The following RASGRP3 variants were observed in gnomAD, a reference collection of about 807,000 sequenced individuals.
The protein encoded by RASGRP3 is ras guanyl-releasing protein 3.
Under a neutral mutation model 82.7 loss-of-function variants are expected in RASGRP3, and 54 were observed. The ratio of observed to expected loss-of-function variants is 0.65; its 90% confidence interval spans 0.52 to 0.82. The LOEUF is 0.82. Among genes scored for constraint, RASGRP3 ranks in the 40% least tolerant of loss-of-function variants. The pLI, the probability that RASGRP3 is intolerant of heterozygous loss-of-function variation, is 0.00. For missense variants in RASGRP3, 861 were observed against 828.9 expected (o/e 1.04, Z -0.48); for synonymous variants, 309 against 300.5 (o/e 1.03, Z -0.29).
At chr2:33,444,408 C>A (rs2150876136) in intron 1 of RASGRP3, among the ~76,000 whole-genome samples, 1 of 152,198 alleles carries the variant, frequency 6.6e-6, no homozygotes, top group South Asian at 2.1e-4. Flanking sequence ...TTTATATTCC[C>A]TTTTTGTAAT....
At chr2:33,447,844 A>C (rs1370757261) in exon 2 of RASGRP3, 1 of 152,132 alleles carries the variant, frequency 6.6e-6, no homozygotes, top group East Asian at 1.9e-4. Flanking sequence ...AAACATCCAT[A>C]TCTCTTCTTT....
intron 15 of RASGRP3, among the ~76,000 whole-genome samples, chr2:33,556,219 T>C (rs1675930878): frequency 7.6e-6 from 1 of 132,106 alleles, no homozygotes; most frequent in Admixed American, 7.8e-5. Flanking sequence ...TTTATATGGT[T>C]CTTCTAATAA....
chr2:33,443,287 C>A (rs1665325764), intron 1 of RASGRP3, among the ~76,000 whole-genome samples: 1 of 152,118 alleles, frequency 6.6e-6, no homozygotes. Flanking sequence ...AGTTTCCATG[C>A]CATGAAATGG....
chr2:33,467,999 TC>T (rs1224614125), intron 2 of RASGRP3, among the ~76,000 whole-genome samples: 2 of 112,952 alleles, frequency 1.8e-5, no homozygotes, highest in African/African-American at 1.2e-4. Context: ...TTTCTTTCTT[TC>T]TTTCTTTCTT....
intron 2 of RASGRP3, among the ~76,000 whole-genome samples, chr2:33,467,863 C>T (rs1030902452): frequency 2.0e-5 from 3 of 152,200 alleles, no homozygotes; most frequent in East Asian, 3.8e-4. Flanking sequence ...ACCACACTTC[C>T]GCCCTCTTCC....
upstream of RASGRP3, chr2:33,476,248 T>G (rs1219145482): frequency 6.6e-6 from 1 of 152,210 alleles, no homozygotes; most frequent in Non-Finnish European, 1.5e-5. Flanking sequence ...TTCCACCTGC[T>G]GTGCGAGTTG....
chr2:33,520,663 GC>G lies in RASGRP3; in HGVS notation c.349del (p.Leu117SerfsTer13). 1 of 1,613,972 alleles carries G rather than the reference GC, an allele frequency of 6.2e-7. No homozygotes were observed. Among genetic ancestry groups the G allele is most frequent in the Non-Finnish European group, 8.5e-7 (1 of 1,179,864 alleles). ...CAACTAGGATATGAAAAACACGTCAGCCTCATCGACATATCCAGCATGTAAG... is the reference window on the plus strand; with the variant it reads ...CAACTAGGATATGAAAAACACGTCAGCTCATCGACATATCCAGCATGTAAG... ...ASQLGYEKHV[S>X]LIDISSIPSY... On this transcript the variant is annotated frameshift_variant, in exon 6 of 18. Coordinates refer to ENST00000403687, the MANE Select transcript of RASGRP3 (RefSeq NM_001139488.2). LOFTEE classifies it high-confidence loss of function.
intron 15 of RASGRP3, among the ~76,000 whole-genome samples, chr2:33,557,935 A>G (rs771736485): frequency 6.6e-5 from 10 of 152,018 alleles, no homozygotes; most frequent in Non-Finnish European, 1.3e-4. Flanking sequence ...GCTGGACTCT[A>G]TTTACTCCCT....
At chr2:33,499,832 C>G (rs1433206969) in intron 1 of RASGRP3, among the ~76,000 whole-genome samples, 1 of 151,336 alleles carries the variant, frequency 6.6e-6, no homozygotes, top group East Asian at 1.9e-4. Flanking sequence ...GTGTACAGAC[C>G]ATGTCAAAAG....
chr2:33,549,805 T>C, intron 14 of RASGRP3, 54 bp downstream of exon 14: 1 of 1,547,148 alleles, frequency 6.5e-7, no homozygotes, highest in Non-Finnish European at 8.8e-7. Flanking sequence ...TGTGGCATTC[T>C]GAAAAAGTAG....
At chr2:33,561,633 G>T (rs1676671272) in intron 17 of RASGRP3, among the ~76,000 whole-genome samples, 1 of 151,624 alleles carries the variant, frequency 6.6e-6, no homozygotes, top group Non-Finnish European at 1.5e-5. Context: ...TTTTCTGCCA[G>T]GCAAGACCAA....
At chr2:33,444,495 C>T (rs1048081489) in intron 1 of RASGRP3, among the ~76,000 whole-genome samples, 1 of 152,192 alleles carries the variant, frequency 6.6e-6, no homozygotes, top group Non-Finnish European at 1.5e-5. Flanking sequence ...AAGTTGATAG[C>T]TTCAGGTGCC....
At chr2:33,436,905 TTGTC>T (rs1664953932) in intron 1 of RASGRP3, among the ~76,000 whole-genome samples, 1 of 152,176 alleles carries the variant, frequency 6.6e-6, no homozygotes, top group South Asian at 2.1e-4. Flanking sequence ...TTTTTGATAT[TTGTC>T]TGCTTGTCTG....
intron 14 of RASGRP3, among the ~76,000 whole-genome samples, chr2:33,551,987 C>T (rs2003252): frequency 0.011 from 1,716 of 149,870 alleles, 36 homozygotes; most frequent in African/African-American, 0.04. Flanking sequence ...AGCAAGACTC[C>T]ATCTCAAAAA....
chr2:33,479,242 C>T (rs1008456776), intron 1 of RASGRP3, among the ~76,000 whole-genome samples: 4 of 152,188 alleles, frequency 2.6e-5, no homozygotes, highest in African/African-American at 4.8e-5. Context: ...TCTATAGGAT[C>T]GCTGGCTGGT....
At chr2:33,519,487 G>C (rs970044705) in intron 4 of RASGRP3, among the ~76,000 whole-genome samples, 5 of 152,042 alleles carry the variant, frequency 3.3e-5, no homozygotes, top group African/African-American at 1.2e-4. Context: ...ATGTTGGCGG[G>C]TTCCCACTAC....
chr2:33,502,493 TTTTC>T (rs1363780992), intron 1 of RASGRP3, among the ~76,000 whole-genome samples: 4 of 138,276 alleles, frequency 2.9e-5, no homozygotes, highest in Admixed American at 2.2e-4. Context: ...CTCTTTCTTT[TTTTC>T]TTTCTTTTTT....
At chr2:33,491,464 A>G (rs1045554108) in intron 1 of RASGRP3, among the ~76,000 whole-genome samples, 1 of 152,148 alleles carries the variant, frequency 6.6e-6, no homozygotes, top group Non-Finnish European at 1.5e-5. Flanking sequence ...TTTGTATTCC[A>G]ACTTATTTAT....
At chr2:33,459,253 G>C (rs1013881875) in intron 2 of RASGRP3, among the ~76,000 whole-genome samples, 1 of 152,036 alleles carries the variant, frequency 6.6e-6, no homozygotes, top group African/African-American at 2.4e-5. Flanking sequence ...TCCTGCCTCA[G>C]CCTCCCGAGT....
Sources: allele counts gnomAD v4.1 joint callset (sites outside exome capture counted in the v4.1 genomes callset), GRCh38; gene constraint gnomAD v4.1.1; transcripts MANE v1.5; gene names NCBI Gene and HGNC (gene_info 2026-07-23, HGNC 2026-07-21).